Variants in TBC1D1 observed in about 807,000 individuals in gnomAD.
TBC1D1 encodes the protein TBC1 domain family member 1, also known as TBC1 (tre-2/USP6, BUB2, cdc16) domain family, member 1.
A neutral mutation model predicts 125.6 loss-of-function variants in TBC1D1; 89 were observed. The observed-to-expected ratio is 0.71, with a 90% CI of 0.60 to 0.85. TBC1D1 has a LOEUF of 0.85. Among genes scored for constraint, TBC1D1 ranks in the 40% least tolerant of loss-of-function variants. TBC1D1 has a pLI of 0.00. For missense variants in TBC1D1, 1,377 were observed against 1,469.2 expected (o/e 0.94, Z 1.03); for synonymous variants, 565 against 564.1 (o/e 1.00, Z -0.02).
chr4:37,993,795 TG>T (rs1737175588), intron 2 of TBC1D1, among the ~76,000 whole-genome samples: 1 of 152,194 alleles, frequency 6.6e-6, no homozygotes, highest in Non-Finnish European at 1.5e-5. Context: ...TTGGCCAGGC[TG>T]GTCTCGAACT....
chr4:38,063,655 G>T (rs1753164507), intron 12 of TBC1D1, among the ~76,000 whole-genome samples: 2 of 151,372 alleles, frequency 1.3e-5, no homozygotes, highest in African/African-American at 4.9e-5. Flanking sequence ...TTGAGACGGA[G>T]TATTGCTCTG....
intron 16 of TBC1D1, among the ~76,000 whole-genome samples, chr4:38,117,070 G>A (rs1274115878): frequency 6.6e-6 from 1 of 152,168 alleles, no homozygotes; most frequent in East Asian, 1.9e-4. Flanking sequence ...CCAGGCAGTG[G>A]AATTTTTGAG....
chr4:38,070,399 G>T (rs1754502406), intron 12 of TBC1D1, among the ~76,000 whole-genome samples: 1 of 152,216 alleles, frequency 6.6e-6, no homozygotes, highest in Non-Finnish European at 1.5e-5. Context: ...CTGAAGAGCT[G>T]TTGCCAGGTT....
chr4:37,931,986 CA>C (rs1160454680), intron 2 of TBC1D1, among the ~76,000 whole-genome samples: 1 of 152,270 alleles, frequency 6.6e-6, no homozygotes, highest in Non-Finnish European at 1.5e-5. Context: ...GTTTCCCTAC[CA>C]GCTTCTTTTG....
At chr4:38,083,577 A>C (rs928667584) in intron 12 of TBC1D1, among the ~76,000 whole-genome samples, 3 of 152,200 alleles carry the variant, frequency 2.0e-5, no homozygotes, top group African/African-American at 7.2e-5. Flanking sequence ...TTTTTTCCAC[A>C]CATTTACCTA....
intron 12 of TBC1D1, among the ~76,000 whole-genome samples, chr4:38,065,599 T>C (rs1353113839): frequency 6.6e-6 from 1 of 152,094 alleles, no homozygotes; most frequent in Non-Finnish European, 1.5e-5. Context: ...GCATTTTGTG[T>C]TTTTCACTTT....
intron 2 of TBC1D1, among the ~76,000 whole-genome samples, chr4:38,009,945 G>A (rs755773385): frequency 2.6e-5 from 4 of 152,002 alleles, no homozygotes; most frequent in African/African-American, 9.7e-5. Flanking sequence ...GATTTACTTC[G>A]TCTGCAAACA....
chr4:38,073,762 T>G (rs774369736), intron 12 of TBC1D1, among the ~76,000 whole-genome samples: 13 of 152,148 alleles, frequency 8.5e-5, no homozygotes, highest in Non-Finnish European at 1.3e-4. Context: ...GAGGAAGCAC[T>G]CACTCCACAG....
intron 2 of TBC1D1, among the ~76,000 whole-genome samples, chr4:37,917,272 A>C (rs1719929798): frequency 2.7e-5 from 4 of 150,844 alleles, no homozygotes; most frequent in Admixed American, 2.6e-4. Flanking sequence ...TCAGGAGTTC[A>C]AGACCAGCCT....
At position 38,137,938 on chromosome 4, in the gene TBC1D1, A is replaced by T. The variant is rs1766906662; in HGVS notation, c.*603A>T. The T allele has an allele frequency of 6.5e-6, 1 of 152,676 alleles. No homozygotes were observed. Among genetic ancestry groups the T allele is most frequent in the African/African-American group, 2.4e-5 (1 of 41,448 alleles). The allele number at this position is 152,676 out of a possible 1,614,324, so 9.5% of individuals were successfully genotyped here. On this transcript the variant is annotated 3_prime_UTR_variant, in exon 20 of 20. Transcript: ENST00000261439. ...TTCAGCCTTTATCCCTCGTGGTTCC[A>T]CTAGATGTAACTTAAAGGAGTTAAC...
Position 38,096,061 on chromosome 4 carries a change from T to G in TBC1D1, c.2369T>G (p.Met790Arg), listed in dbSNP as rs1358278133. Reference sequence around the variant, plus strand: ...GGAAGATCAAAAATTAAGTTTGACATGGAAAAAATGCACTCGGCTGTTGGG... The same window carrying G: ...GGAAGATCAAAAATTAAGTTTGACAGGGAAAAAATGCACTCGGCTGTTGGG... The change falls in exon 14 of 20, where the codon ATG becomes AGG. Residue 790 changes from methionine to arginine, a missense_variant. Met to Arg is a moderately conservative substitution (Grantham distance 91). Around this residue, in one of 3 missense-constraint regions of TBC1D1, gnomAD observed 543 missense variants for 613.5 expected, o/e 0.89. Transcript: ENST00000261439. The G allele has an allele frequency of 5.6e-6, 9 of 1,613,502 alleles. No individual in the cohort carries two copies. Among genetic ancestry groups the G allele is most frequent in the Non-Finnish European group, 6.8e-6 (8 of 1,179,682 alleles).
intron 2 of TBC1D1, among the ~76,000 whole-genome samples, chr4:37,980,164 T>C (rs1734061612): frequency 6.6e-6 from 1 of 152,198 alleles, no homozygotes; most frequent in Admixed American, 6.5e-5. Flanking sequence ...GATGTAGGAA[T>C]AAAGCCAAAA....
chr4:37,919,561 G>C (rs1197602321), intron 2 of TBC1D1, among the ~76,000 whole-genome samples: 1 of 151,748 alleles, frequency 6.6e-6, no homozygotes, highest in Non-Finnish European at 1.5e-5. Context: ...TCCTATTTAA[G>C]ACTCATATGT....
rs145728954 is a variant in TBC1D1 at position 37,948,996 on chromosome 4, C to T, written c.417+46484C>T. ...ATAATACTCTATTGTATGGATATAC[C>T]GCATTTTGTTTATCCAATCGTCAGT... On this transcript the variant is annotated intron_variant, in intron 2 of 19. Transcript: ENST00000261439. 1.7e-4 allele frequency among the ~76,000 whole-genome samples: 26 copies of T among 152,174 alleles called. No homozygotes were observed. The East Asian group carries it at 3.9e-3, about 23-fold the overall frequency.
At chr4:37,941,236 C>A (rs1279251902) in intron 2 of TBC1D1, among the ~76,000 whole-genome samples, 2 of 152,106 alleles carry the variant, frequency 1.3e-5, no homozygotes, top group Non-Finnish European at 2.9e-5. Context: ...TCAACTTCTT[C>A]CTGGTTTAGT....
At chr4:38,001,765 A>G (rs563052929) in intron 2 of TBC1D1, among the ~76,000 whole-genome samples, 8 of 152,318 alleles carry the variant, frequency 5.3e-5, no homozygotes, top group Admixed American at 4.6e-4. Flanking sequence ...ATATCATGTC[A>G]GTTATTTCCA....
intron 18 of TBC1D1, among the ~76,000 whole-genome samples, chr4:38,131,126 G>T (rs375639923): frequency 7.2e-5 from 11 of 152,206 alleles, no homozygotes; most frequent in African/African-American, 2.7e-4. Context: ...AAGCAGAGAT[G>T]ATTGTGACCC....
intron 14 of TBC1D1, among the ~76,000 whole-genome samples, chr4:38,102,553 T>C (rs542979001): frequency 6.6e-6 from 1 of 152,188 alleles, no homozygotes; most frequent in Non-Finnish European, 1.5e-5. Flanking sequence ...AGGTTTTAGT[T>C]GCCTCCCTTC....
intron 2 of TBC1D1, among the ~76,000 whole-genome samples, chr4:37,936,752 A>G (rs116657471): frequency 3.2e-4 from 48 of 152,324 alleles, no homozygotes; most frequent in African/African-American, 1.1e-3. Flanking sequence ...GAGATATACT[A>G]GAATAGAACC....
Sources: allele counts gnomAD v4.1 joint callset (sites outside exome capture counted in the v4.1 genomes callset), GRCh38; gene constraint gnomAD v4.1.1; regional missense constraint gnomAD v4.1.1; transcripts MANE v1.5; gene names NCBI Gene and HGNC (gene_info 2026-07-23, HGNC 2026-07-21).